Variants in ANKS1A observed in about 807,000 individuals in gnomAD.
The protein encoded by ANKS1A is ankyrin repeat and SAM domain-containing protein 1A.
ANKS1A carries 55 observed loss-of-function variants against 120.3 expected under a neutral mutation model. The observed-to-expected ratio is 0.46, with a 90% CI of 0.37 to 0.57. The LOEUF (loss-of-function observed/expected upper bound fraction) is 0.57. Among genes scored for constraint, ANKS1A ranks in the 20% least tolerant of loss-of-function variants. ANKS1A has a pLI of 0.00. For missense variants in ANKS1A, 1,123 were observed against 1,480.3 expected (o/e 0.76, Z 3.96); for synonymous variants, 590 against 604.7 (o/e 0.98, Z 0.36).
chr6:34,968,626 C>T (rs1404708346), intron 2 of ANKS1A, among the ~76,000 whole-genome samples: 11 of 152,026 alleles, frequency 7.2e-5, no homozygotes, highest in Admixed American at 1.3e-4. Flanking sequence ...TTAGTAGAGA[C>T]GGGGTTTCAC....
chr6:34,891,992 C>T, intron 1 of ANKS1A, among the ~76,000 whole-genome samples: 1 of 152,200 alleles, frequency 6.6e-6, no homozygotes, highest in East Asian at 1.9e-4. Flanking sequence ...GATTTAACTG[C>T]CATATAGTTA....
At chr6:34,954,461 T>C (rs1200119095) in intron 1 of ANKS1A, among the ~76,000 whole-genome samples, 2 of 152,206 alleles carry the variant, frequency 1.3e-5, no homozygotes, top group African/African-American at 2.4e-5. Flanking sequence ...ATAACTGCTA[T>C]GTTTATCCTG....
At chr6:35,083,020 C>A in intron 18 of ANKS1A, 135 bp from the exon 19 acceptor site, 1 of 1,293,510 alleles carries the variant, frequency 7.7e-7, no homozygotes, top group Non-Finnish European at 1.1e-6. Context: ...GAGGGTCTCT[C>A]CAGCTGGGGC....
intron 10 of ANKS1A, among the ~76,000 whole-genome samples, chr6:34,998,303 G>C (rs1187849320): frequency 6.6e-6 from 1 of 151,934 alleles, no homozygotes; most frequent in East Asian, 1.9e-4. Context: ...TAGTGAGACT[G>C]TCAGAGCTTT....
intron 17 of ANKS1A, among the ~76,000 whole-genome samples, chr6:35,081,909 T>A (rs924979000): frequency 6.6e-6 from 1 of 152,194 alleles, no homozygotes; most frequent in Non-Finnish European, 1.5e-5. Context: ...CTCAGGCCCC[T>A]CCGGGTGAAC....
intron 1 of ANKS1A, among the ~76,000 whole-genome samples, chr6:34,891,860 C>G (rs933120471): frequency 6.6e-6 from 1 of 152,206 alleles, no homozygotes; most frequent in Non-Finnish European, 1.5e-5. Flanking sequence ...ATTTCTTGAC[C>G]TCATGATCCG....
At chr6:34,933,536 A>C (rs1769102690) in intron 1 of ANKS1A, among the ~76,000 whole-genome samples, 1 of 152,150 alleles carries the variant, frequency 6.6e-6, no homozygotes, top group South Asian at 2.1e-4. Context: ...ACGCCCGGCT[A>C]GTTTTGTATT....
At chr6:34,934,394 C>T (rs1295557366) in intron 1 of ANKS1A, among the ~76,000 whole-genome samples, 7 of 152,234 alleles carry the variant, frequency 4.6e-5, no homozygotes, top group Admixed American at 1.3e-4. Flanking sequence ...GTGATCCGCC[C>T]GCCTCGGCCT....
chr6:34,949,925 C>A (rs1769987727), intron 1 of ANKS1A, among the ~76,000 whole-genome samples: 1 of 152,138 alleles, frequency 6.6e-6, no homozygotes, highest in Admixed American at 6.5e-5. Flanking sequence ...ATAAAGGAGG[C>A]CAAACCCAGA....
chr6:34,897,774 C>T (rs1456486753), intron 1 of ANKS1A, among the ~76,000 whole-genome samples: 1 of 152,014 alleles, frequency 6.6e-6, no homozygotes, highest in African/African-American at 2.4e-5. Context: ...GTTTAGTTTA[C>T]AAATCAAAAA....
chr6:35,007,531 T>A (rs1561908676), intron 10 of ANKS1A, among the ~76,000 whole-genome samples: 1 of 152,234 alleles, frequency 6.6e-6, no homozygotes, highest in Non-Finnish European at 1.5e-5. Context: ...AACTCTTTGC[T>A]CGCTGGATGT....
chr6:34,983,311 T>A lies in ANKS1A; in HGVS notation c.911-13T>A. The A allele has an allele frequency of 1.2e-6, 2 of 1,613,376 alleles. No homozygotes were observed. Among genetic ancestry groups the A allele is most frequent in the Non-Finnish European group, 1.7e-6 (2 of 1,179,616 alleles). ...AGCACTTTTTATTTTTATTTTTTGA[T>A]CTTTCCATGTAGATCACATGACTGG... On this transcript the variant is annotated splice_polypyrimidine_tract_variant and intron_variant, in intron 6 of 23. Transcript: ENST00000360359.
rs139365554 is a variant in ANKS1A at position 34,889,282 on chromosome 6, G to C, written c.-121G>C. Reference sequence around the variant, plus strand: ...TGACGCGCTCGTGGGGAAAAGGCAGGGAGGGGGTGGTGTCCCCAGCCGGTT... The same window carrying C: ...TGACGCGCTCGTGGGGAAAAGGCAGCGAGGGGGTGGTGTCCCCAGCCGGTT... On this transcript the variant is annotated 5_prime_UTR_variant, in exon 1 of 24. Coordinates refer to ENST00000360359, the MANE Select transcript of ANKS1A (RefSeq NM_015245.3). The surrounding 1 kb of genome is among the most constrained non-coding windows in gnomAD (Gnocchi z 5.5). 18,195 of 1,202,472 alleles carry C rather than the reference G, an allele frequency of 0.015. 182 individuals are homozygous for C. The highest frequency in any genetic ancestry group is 0.04 in the Middle Eastern group (123 of 3,108). The allele number at this position is 1,202,472 out of a possible 1,614,324, so 74.5% of individuals were successfully genotyped here.
At chr6:34,895,780 CTTTTTTTTTTT>C (rs995285475) in intron 1 of ANKS1A, among the ~76,000 whole-genome samples, 8 of 90,386 alleles carry the variant, frequency 8.9e-5, no homozygotes, top group Admixed American at 2.7e-4. Flanking sequence ...GAATGTCTTT[CTTTTTTTTTTT>C]TTTTTTTTTT....
chr6:35,075,889 T>C (rs1305144424), intron 13 of ANKS1A, among the ~76,000 whole-genome samples: 1 of 152,118 alleles, frequency 6.6e-6, no homozygotes, highest in Non-Finnish European at 1.5e-5. Flanking sequence ...GCTTTCCAAG[T>C]AGCTGAGACC....
intron 15 of ANKS1A, 53 bp from the exon 16 acceptor site, chr6:35,079,768 C>A: frequency 6.2e-7 from 1 of 1,607,036 alleles, no homozygotes; most frequent in East Asian, 2.2e-5. Context: ...CTGGAGCGGA[C>A]TGTGAGTGAG....
At chr6:35,035,523 G>A (rs945547171) in intron 11 of ANKS1A, among the ~76,000 whole-genome samples, 5 of 152,188 alleles carry the variant, frequency 3.3e-5, no homozygotes, top group Non-Finnish European at 5.9e-5. Context: ...GCTTATAGGT[G>A]GGTAAATGTG....
chr6:34,995,450 A>G (rs1772800140), intron 10 of ANKS1A, among the ~76,000 whole-genome samples: 1 of 152,014 alleles, frequency 6.6e-6, no homozygotes, highest in African/African-American at 2.4e-5. Flanking sequence ...AGTAAAATTT[A>G]TCCTTTTTGG....
At chr6:34,993,961 T>C (rs1203296033) in intron 9 of ANKS1A, among the ~76,000 whole-genome samples, 1 of 151,996 alleles carries the variant, frequency 6.6e-6, no homozygotes, top group African/African-American at 2.4e-5. Context: ...AAAGGGAGTT[T>C]TTTGTTTTTT....
Sources: allele counts gnomAD v4.1 joint callset (sites outside exome capture counted in the v4.1 genomes callset), GRCh38; gene constraint gnomAD v4.1.1; non-coding constraint Gnocchi (gnomAD v3.1); transcripts MANE v1.5; gene names NCBI Gene and HGNC (gene_info 2026-07-23, HGNC 2026-07-21).